Variants in SLC60A1 observed in about 807,000 individuals in gnomAD.
SLC60A1 encodes solute carrier family 60 member 1, also known as major facilitator superfamily domain containing 4.
At chr1:205,580,649 C>A in the SLC60A1 span, 1 of 1,610,616 alleles carries the variant, frequency 6.2e-7, no homozygotes, top group South Asian at 1.1e-5. This position sits in a 1 kb window ranked among gnomAD's most constrained non-coding sequence, Gnocchi z 5.0. Flanking sequence ...GCCACCTCTC[C>A]TCTGTCCCCA....
At chr1:205,601,278 T>TAA in the SLC60A1 span, 1 of 152,108 alleles carries the variant, frequency 6.6e-6, no homozygotes, top group Admixed American at 6.6e-5. Flanking sequence ...TTACTATATA[T>TAA]GATGGTGTGC....
the SLC60A1 span, chr1:205,584,270 G>C: frequency 1.1e-6 from 1 of 913,050 alleles, no homozygotes; most frequent in South Asian, 1.9e-5. Flanking sequence ...CGCCCAGGCT[G>C]GAGTGCAGTG....
the SLC60A1 span, chr1:205,580,024 C>T: frequency 9.6e-6 from 14 of 1,459,340 alleles, no homozygotes; most frequent in African/African-American, 1.4e-4. This position sits in a 1 kb window ranked among gnomAD's most constrained non-coding sequence, Gnocchi z 5.0. Flanking sequence ...TCAGTCTCTC[C>T]CAGCCTCCTC....
At chr1:205,570,983 T>C in the SLC60A1 span, among the ~76,000 whole-genome samples, 2 of 152,188 alleles carry the variant, frequency 1.3e-5, no homozygotes, top group African/African-American at 4.8e-5. Flanking sequence ...GGTAGTTTTG[T>C]ATCTTCCTCA....
the SLC60A1 span, among the ~76,000 whole-genome samples, chr1:205,597,373 G>GTTTTTTGTTTTTT: frequency 2.7e-5 from 1 of 37,246 alleles, no homozygotes. Context: ...AACCTAGGTT[G>GTTTTTTGTTTTTT]TTTTTTTTTT....
chr1:205,584,378 C>T, the SLC60A1 span, among the ~76,000 whole-genome samples: 3 of 151,754 alleles, frequency 2.0e-5, no homozygotes, highest in Non-Finnish European at 2.9e-5. Flanking sequence ...CATGCCACTA[C>T]ACCTGGCTAA....
At chr1:205,580,775 G>A in the SLC60A1 span, 1 of 1,614,150 alleles carries the variant, frequency 6.2e-7, no homozygotes, top group South Asian at 1.1e-5. This position sits in a 1 kb window ranked among gnomAD's most constrained non-coding sequence, Gnocchi z 5.0. Context: ...CACCTCCCGA[G>A]GCCACCTGTT....
At chr1:205,601,019 C>T in the SLC60A1 span, 1 of 152,220 alleles carries the variant, frequency 6.6e-6, no homozygotes, top group African/African-American at 2.4e-5. Flanking sequence ...TTGAATCTTG[C>T]TCTCTTTGGT....
At chr1:205,569,336 C>T in the SLC60A1 span, 36 of 1,415,046 alleles carry the variant, frequency 2.5e-5, no homozygotes, top group African/African-American at 4.8e-4. Context: ...CCCCGCGGCC[C>T]CCGGCACCCA....
the SLC60A1 span, among the ~76,000 whole-genome samples, chr1:205,592,552 G>GTCCC: frequency 6.6e-6 from 1 of 150,792 alleles, no homozygotes; most frequent in Non-Finnish European, 1.5e-5. Context: ...CCCCACAACT[G>GTCCC]TCCCAGGTGT....
At chr1:205,583,999 G>T in the SLC60A1 span, 2 of 1,613,986 alleles carry the variant, frequency 1.2e-6, no homozygotes, top group South Asian at 1.1e-5. Context: ...CCAAGGAGCG[G>T]CTGCTGACCT....
the SLC60A1 span, chr1:205,602,696 G>A: frequency 7.9e-5 from 12 of 152,352 alleles, no homozygotes; most frequent in African/African-American, 2.9e-4. Context: ...TTAGATGCCA[G>A]TCTAATTTAA....
At chr1:205,592,033 G>T in the SLC60A1 span, 4 of 1,481,802 alleles carry the variant, frequency 2.7e-6, no homozygotes, top group Non-Finnish European at 3.7e-6. Flanking sequence ...GGGCTCCTTG[G>T]GCTAGAGAGG....
the SLC60A1 span, among the ~76,000 whole-genome samples, chr1:205,583,325 T>C: frequency 1.3e-5 from 2 of 152,128 alleles, no homozygotes; most frequent in African/African-American, 4.8e-5. Flanking sequence ...AAGGAGATCA[T>C]GTTTTTGTTT....
chr1:205,591,979 C>A, the SLC60A1 span: 1 of 920,654 alleles, frequency 1.1e-6, no homozygotes, highest in Non-Finnish European at 1.6e-6. Context: ...CGGAACACTG[C>A]GGTTCCCGCC....
the SLC60A1 span, among the ~76,000 whole-genome samples, chr1:205,579,201 T>C: frequency 0.17 from 26,118 of 152,138 alleles, 2,358 homozygotes; most frequent in Admixed American, 0.24. Context: ...AATACCTGGG[T>C]TGTGGGCGCT....
the SLC60A1 span, among the ~76,000 whole-genome samples, chr1:205,587,409 G>A: frequency 6.6e-6 from 1 of 152,182 alleles, no homozygotes; most frequent in Non-Finnish European, 1.5e-5. Context: ...AAGGCCTTTG[G>A]ATTTGACCTC....
chr1:205,599,004 A>G, the SLC60A1 span: 2 of 1,245,604 alleles, frequency 1.6e-6, no homozygotes, highest in Non-Finnish European at 2.3e-6. Flanking sequence ...CCGTGATTCC[A>G]TCTCTTGGTG....
the SLC60A1 span, among the ~76,000 whole-genome samples, chr1:205,578,809 T>C: frequency 6.6e-6 from 1 of 152,162 alleles, no homozygotes; most frequent in Non-Finnish European, 1.5e-5. Context: ...CTCTCCCTTT[T>C]CATAATCTGA....
Sources: gnomAD v4.1 joint callset for allele counts (sites outside exome capture counted in the v4.1 genomes callset) on GRCh38, gnomAD v4.1.1 for gene constraint, Gnocchi (gnomAD v3.1) non-coding constraint, MANE v1.5 for transcripts, NCBI Gene and HGNC (gene_info 2026-07-23, HGNC 2026-07-21) for gene names.